The following ICE1 variants were observed in gnomAD, a reference collection of about 807,000 sequenced individuals.
ICE1 encodes interactor of little elongation complex ELL subunit 1.
Under a neutral mutation model 192.7 loss-of-function variants are expected in ICE1, and 64 were observed. The ratio of observed to expected loss-of-function variants is 0.33; its 90% CI spans 0.27 to 0.41. The LOEUF is 0.41. Among genes scored for constraint, ICE1 ranks in the 10% least tolerant of loss-of-function variants. ICE1 has a pLI of 1.00. For synonymous variants in ICE1, 1,010 were observed against 984.5 expected (o/e 1.03, Z -0.49); for missense variants, 2,708 against 2,696.0 (o/e 1.00, Z -0.10).
intron 7 of ICE1, among the ~76,000 whole-genome samples, chr5:5,447,216 T>C (rs1253958690): frequency 1.3e-5 from 2 of 152,234 alleles, no homozygotes; most frequent in Non-Finnish European, 2.9e-5. Flanking sequence ...GCGCTAGTTC[T>C]GTGGTTTAAA....
chr5:5,442,138 G>GT (rs1411788925), intron 5 of ICE1, among the ~76,000 whole-genome samples: 2 of 152,096 alleles, frequency 1.3e-5, no homozygotes, highest in African/African-American at 4.8e-5. Flanking sequence ...GTAAATTGTT[G>GT]TTTACTCCCT....
At position 5,477,976 on chromosome 5, in the gene ICE1, A is replaced by G. The variant is rs559408012; in HGVS notation, c.6520+1897A>G. ...CTCAAACTAGGTATTGATGGAACAT[A>G]ACATAATTAGAGCTATTTATGACAA... is the stretch of plus-strand genomic sequence containing the variant. On this transcript the variant is annotated intron_variant, in intron 17 of 18. Transcript: ENST00000296564. 2.0e-5 allele frequency among the ~76,000 whole-genome samples: 3 copies of G among 152,336 alleles called. No individual in the cohort carries two copies. In the East Asian group the frequency reaches 5.8e-4, roughly 29 times the overall value.
chr5:5,489,294 G>C lies in ICE1; in HGVS notation c.6765G>C (p.Glu2255Asp), dbSNP rs1739723333. Residue 2255 changes from glutamate (E) to aspartate (D), a missense_variant, in exon 19 of 19, where the codon GAG becomes GAC. By Grantham distance (45) the Glu-to-Asp change is conservative. Around this residue, in one of 2 missense-constraint regions of ICE1, gnomAD observed 342 missense variants for 419.3 expected, o/e 0.82. Coordinates refer to ENST00000296564, the MANE Select transcript of ICE1 (RefSeq NM_015325.3). Reference sequence around the variant, plus strand: ...CGTCTGCGATTGTCAGCTGCCTAGAGGAAGTCAGTGCCCTGAGCACAGAGG... The same window carrying C: ...CGTCTGCGATTGTCAGCTGCCTAGACGAAGTCAGTGCCCTGAGCACAGAGG... Reference protein sequence around the residue: ...SVPSAIVSCLEEVSALSTEEL... With the variant: ...SVPSAIVSCLDEVSALSTEEL... The C allele has an allele frequency of 1.2e-6, 2 of 1,613,368 alleles. No individual in the cohort carries two copies. The highest frequency in any genetic ancestry group is 2.7e-5 in the African/African-American group (2 of 74,918).
Position 5,462,138 on chromosome 5 carries a change from T to TA in ICE1, c.2805dup (p.Asp936ArgfsTer3). On this transcript the variant is annotated frameshift_variant, in exon 13 of 19. Coordinates refer to ENST00000296564, the MANE Select transcript of ICE1 (RefSeq NM_015325.3). LOFTEE classifies it high-confidence loss of function. ...GAAGTTTCTGCCTCTAGGAGAAAAT[T>TA]AGATTTTAATTCTCCAGGTGGTTCT... 6.2e-7 allele frequency: 1 copy of TA among 1,613,906 alleles called. No individual in the cohort carries two copies. The highest frequency in any genetic ancestry group is 1.1e-5 in the South Asian group (1 of 91,080).
intron 12 of ICE1, among the ~76,000 whole-genome samples, chr5:5,460,104 G>C (rs1205627364): frequency 6.6e-6 from 1 of 152,210 alleles, no homozygotes; most frequent in Non-Finnish European, 1.5e-5. Context: ...GTTACTAGAT[G>C]ATGGGGAAGT....
chr5:5,461,237 A>G lies in ICE1; in HGVS notation c.1903A>G (p.Thr635Ala), dbSNP rs1321293456. The part of the protein sequence containing the change: ...DIETSFSSSS[T>A]LVALSVGSNP... ...TGAAACCAGTTTTTCTTCCTCTTCT[A>G]CCTTGGTAGCATTGTCTGTTGGCAG... The change falls in exon 13 of 19, where the codon ACC (threonine) becomes GCC (alanine). Residue 635 changes from threonine (T) to alanine (A), a missense_variant. Coordinates refer to ENST00000296564, the MANE Select transcript of ICE1 (RefSeq NM_015325.3). The G allele has an allele frequency of 7.4e-6, 12 of 1,613,960 alleles. No homozygotes were observed. Among genetic ancestry groups the G allele is most frequent in the East Asian group, 4.5e-5 (2 of 44,880 alleles).
chr5:5,483,911 C>G (rs1272246056), intron 17 of ICE1, among the ~76,000 whole-genome samples: 1 of 152,226 alleles, frequency 6.6e-6, no homozygotes, highest in African/African-American at 2.4e-5. Flanking sequence ...TGCAAACTTG[C>G]ATCCAGAATC....
chr5:5,471,080 C>T (rs1739144172), intron 15 of ICE1, among the ~76,000 whole-genome samples: 1 of 152,066 alleles, frequency 6.6e-6, no homozygotes, highest in South Asian at 2.1e-4. Flanking sequence ...AACAGAAACA[C>T]ATAGAAGACA....
At chr5:5,438,780 A>G (rs143919617) in intron 3 of ICE1, among the ~76,000 whole-genome samples, 2 of 152,204 alleles carry the variant, frequency 1.3e-5, no homozygotes, top group Non-Finnish European at 2.9e-5. Flanking sequence ...TTATTAACGG[A>G]TAACACTTTT....
chr5:5,476,148 C>T (rs1739300525), intron 17 of ICE1, 69 bp downstream of exon 17: 2 of 810,084 alleles, frequency 2.5e-6, no homozygotes, highest in South Asian at 1.9e-5. Context: ...GGGGGGTTAA[C>T]TGTATAATAA....
At position 5,444,296 on chromosome 5, in the gene ICE1, A is replaced by G; in HGVS notation, c.394A>G (p.Lys132Glu). ...ECLKSDAQKK[K>E]LEAKVKKLQE... ...ACACAATTTCGTTATTAGGAAGAAG[A>G]AACTAGAAGCTAAGGTGAAGAAGCT... is the stretch of plus-strand genomic sequence containing the variant. The change falls in exon 7 of 19, where the codon AAA (lysine) becomes GAA (glutamate). Residue 132 changes from lysine (K) to glutamate (E), a missense_variant. This residue lies in a region of ICE1 where 2,366 missense variants were observed against 2,276.6 expected (regional missense o/e 1.04). Coordinates refer to ENST00000296564, the MANE Select transcript of ICE1 (RefSeq NM_015325.3). The G allele has an allele frequency of 1.3e-6, 2 of 1,565,812 alleles. No individual in the cohort carries two copies. The highest frequency in any genetic ancestry group is 1.7e-6 in the Non-Finnish European group (2 of 1,153,124).
chr5:5,428,595 A>G (rs1180875274), intron 1 of ICE1, among the ~76,000 whole-genome samples: 1 of 152,202 alleles, frequency 6.6e-6, no homozygotes, highest in Non-Finnish European at 1.5e-5. Flanking sequence ...GCACACATAC[A>G]CTTTGTCTCC....
In ICE1 at chr5:5,464,378, T is replaced by C. The variant is rs1657128289; in HGVS notation, c.5044T>C (p.Ser1682Pro). The change falls in exon 13 of 19, where the codon TCT (serine) becomes CCT (proline). Residue 1682 changes from serine to proline, a missense_variant. This residue lies in a region of ICE1 where 2,366 missense variants were observed against 2,276.6 expected (regional missense o/e 1.04). Transcript: ENST00000296564. This position sits in a 1 kb window ranked among gnomAD's most constrained non-coding sequence, Gnocchi z 4.0. ...TGAAACCCCAGTGCCTCCTGCCATG[T>C]CTCCATGGCCAGAGGACCCCAGACG... ...FRETPVPPAM[S>P]PWPEDPRRAS... 6.2e-7 allele frequency: 1 copy of C among 1,613,536 alleles called. No individual in the cohort carries two copies. Among genetic ancestry groups the C allele is most frequent in the African/African-American group, 1.3e-5 (1 of 74,830 alleles).
rs1340263028 is a variant in ICE1, at chr5:5,464,086, T to C, written c.4752T>C (p.Ala1584=). ...SRVETHQSEV[A]QSFSGEKANT... ...TTGAAACTCATCAGAGTGAAGTTGC[T>C]CAGTCATTTTCAGGGGAAAAAGCTA... is the stretch of plus-strand genomic sequence containing the variant. Residue 1584 remains alanine, a synonymous_variant, in exon 13 of 19, where the codon GCT becomes GCC. Transcript: ENST00000296564. The surrounding 1 kb of genome is among the most constrained non-coding windows in gnomAD (Gnocchi z 4.0). 1.2e-6 allele frequency: 2 copies of C among 1,613,580 alleles called. No individual in the cohort carries two copies. The highest frequency in any genetic ancestry group is 2.2e-5 in the East Asian group (1 of 44,876).
chr5:5,452,699 A>G (rs936598934), intron 10 of ICE1, among the ~76,000 whole-genome samples: 6 of 152,102 alleles, frequency 3.9e-5, no homozygotes, highest in Admixed American at 6.5e-5. Context: ...GAATAATACA[A>G]TTTTTCAACA....
At chr5:5,423,487 A>C (rs1244707956) in intron 1 of ICE1, among the ~76,000 whole-genome samples, 1 of 152,204 alleles carries the variant, frequency 6.6e-6, no homozygotes, top group Non-Finnish European at 1.5e-5. Flanking sequence ...GTTTCAGCTT[A>C]TAGCAGATGT....
intron 16 of ICE1, among the ~76,000 whole-genome samples, chr5:5,474,562 T>C (rs778924146): frequency 1.2e-4 from 19 of 152,342 alleles, no homozygotes; most frequent in Middle Eastern, 3.4e-3. Flanking sequence ...CTGACATTCA[T>C]TGTATGTAGT....
chr5:5,477,997 G>A (rs998147288), intron 17 of ICE1, among the ~76,000 whole-genome samples: 8 of 152,182 alleles, frequency 5.3e-5, no homozygotes, highest in Admixed American at 2.0e-4. Flanking sequence ...AGCTATTTAT[G>A]ACAAATCTAC....
intron 15 of ICE1, among the ~76,000 whole-genome samples, chr5:5,469,577 C>T (rs1206241087): frequency 6.6e-6 from 1 of 152,034 alleles, no homozygotes; most frequent in African/African-American, 2.4e-5. Flanking sequence ...GTACTGAAGC[C>T]AGTGATATTG....
Sources: allele counts gnomAD v4.1 joint callset (sites outside exome capture counted in the v4.1 genomes callset), GRCh38; gene constraint gnomAD v4.1.1; regional missense constraint gnomAD v4.1.1; non-coding constraint Gnocchi (gnomAD v3.1); transcripts MANE v1.5; gene names NCBI Gene and HGNC (gene_info 2026-07-23, HGNC 2026-07-21).